HS6ST3: variants seen among roughly 807,000 people sequenced by gnomAD.
The protein encoded by HS6ST3 is heparan sulfate 6-O-sulfotransferase 3, also known as heparan-sulfate 6-O-sulfotransferase 3.
In HS6ST3, 12 loss-of-function variants were observed where a neutral mutation model predicts 36.7. The ratio of observed to expected loss-of-function variants is 0.33; its 90% CI spans 0.21 to 0.53. The LOEUF (loss-of-function observed/expected upper bound fraction) is 0.53, where lower values mean the gene tolerates loss of function less well. Among genes scored for constraint, HS6ST3 ranks in the 20% least tolerant of loss-of-function variants. The pLI, the probability that HS6ST3 is intolerant of heterozygous loss-of-function variation, is 0.95. For synonymous variants in HS6ST3, 240 were observed against 257.5 expected (o/e 0.93, Z 0.65); for missense variants, 584 against 640.9 (o/e 0.91, Z 0.96).
chr13:96,277,940 G>C (rs1594740973), intron 1 of HS6ST3, among the ~76,000 whole-genome samples: 1 of 152,158 alleles, frequency 6.6e-6, no homozygotes, highest in African/African-American at 2.4e-5. Context: ...GAGCTATACA[G>C]AGATTTCAGC....
intron 1 of HS6ST3, among the ~76,000 whole-genome samples, chr13:96,513,106 G>A (rs926318705): frequency 5.3e-5 from 8 of 152,112 alleles, no homozygotes; most frequent in African/African-American, 1.7e-4. Flanking sequence ...ACATAGCTGT[G>A]TGTGTTGCTT....
chr13:96,260,309 T>C (rs934823228), intron 1 of HS6ST3, among the ~76,000 whole-genome samples: 7 of 151,540 alleles, frequency 4.6e-5, no homozygotes, highest in Admixed American at 3.9e-4. Context: ...TTTTTTCTTT[T>C]CTTTTCTTTT....
chr13:96,565,743 T>C (rs1394847124), intron 1 of HS6ST3, among the ~76,000 whole-genome samples: 1 of 152,166 alleles, frequency 6.6e-6, no homozygotes, highest in Admixed American at 6.6e-5. Context: ...AAAGCCTGGC[T>C]TATAGTCTGA....
chr13:96,216,365 A>G (rs998211552), intron 1 of HS6ST3, among the ~76,000 whole-genome samples: 1 of 152,132 alleles, frequency 6.6e-6, no homozygotes, highest in Non-Finnish European at 1.5e-5. Context: ...GTCATGATTC[A>G]CTGAGCCGTT....
intron 1 of HS6ST3, among the ~76,000 whole-genome samples, chr13:96,425,766 A>G (rs555041802): frequency 1.3e-5 from 2 of 152,232 alleles, no homozygotes; most frequent in South Asian, 2.1e-4. Context: ...TGCAGGTACA[A>G]TTTGGTGTCC....
At chr13:96,707,982 T>C (rs551600951) in intron 1 of HS6ST3, among the ~76,000 whole-genome samples, 1 of 152,306 alleles carries the variant, frequency 6.6e-6, no homozygotes, top group Non-Finnish European at 1.5e-5. Context: ...GCTGATGGCA[T>C]AATCAGCATC....
intron 1 of HS6ST3, among the ~76,000 whole-genome samples, chr13:96,693,093 A>G (rs1448717428): frequency 1.3e-5 from 2 of 152,052 alleles, no homozygotes; most frequent in Non-Finnish European, 2.9e-5. Context: ...CTAAAATAAT[A>G]CTCACCCTTC....
chr13:96,828,193 C>A (rs1457715739), intron 1 of HS6ST3, among the ~76,000 whole-genome samples: 2 of 152,140 alleles, frequency 1.3e-5, no homozygotes, highest in African/African-American at 4.8e-5. Context: ...AATTTCACCT[C>A]CTGATTTAAA....
intron 1 of HS6ST3, among the ~76,000 whole-genome samples, chr13:96,330,770 CAG>C (rs2055061845): frequency 6.7e-6 from 1 of 149,438 alleles, no homozygotes; most frequent in African/African-American, 2.5e-5. Flanking sequence ...TAATATCCTG[CAG>C]AGTGTTTTCC....
intron 1 of HS6ST3, among the ~76,000 whole-genome samples, chr13:96,419,071 G>A (rs1038943082): frequency 6.6e-6 from 1 of 152,194 alleles, no homozygotes; most frequent in Non-Finnish European, 1.5e-5. Flanking sequence ...TTTTTCTAGT[G>A]TCAATTGAAT....
chr13:96,287,332 C>A (rs1925119), intron 1 of HS6ST3, among the ~76,000 whole-genome samples: 64,450 of 151,894 alleles, frequency 0.42, 14,820 homozygotes, highest in African/African-American at 0.6. Flanking sequence ...ATAGAAAAAT[C>A]TTATATAATG....
chr13:96,297,174 A>AT (rs1033046546), intron 1 of HS6ST3, among the ~76,000 whole-genome samples: 3 of 151,922 alleles, frequency 2.0e-5, no homozygotes, highest in South Asian at 2.1e-4. Flanking sequence ...ATTTCAAACT[A>AT]TTTTTTTTCC....
chr13:96,501,534 T>C (rs1279613428), intron 1 of HS6ST3, among the ~76,000 whole-genome samples: 3 of 152,294 alleles, frequency 2.0e-5, no homozygotes, highest in Non-Finnish European at 2.9e-5. Context: ...ACCTACTTCA[T>C]AGGGCAGTTG....
At chr13:96,231,700 G>C (rs1434028027) in intron 1 of HS6ST3, among the ~76,000 whole-genome samples, 1 of 152,148 alleles carries the variant, frequency 6.6e-6, no homozygotes, top group Non-Finnish European at 1.5e-5. Flanking sequence ...GCCATATCAA[G>C]GCCCATGCGC....
At chr13:96,365,154 C>T (rs935941723) in intron 1 of HS6ST3, among the ~76,000 whole-genome samples, 1 of 152,118 alleles carries the variant, frequency 6.6e-6, no homozygotes, top group Non-Finnish European at 1.5e-5. Flanking sequence ...GTCAGAATGT[C>T]CAGGTGTGAA....
intron 1 of HS6ST3, among the ~76,000 whole-genome samples, chr13:96,194,399 T>C (rs971856237): frequency 9.8e-5 from 15 of 152,314 alleles, no homozygotes; most frequent in African/African-American, 3.6e-4. Context: ...TATGGAGGTC[T>C]CTATTTTCTA....
chr13:96,782,811 C>T (rs1427344078), intron 1 of HS6ST3, among the ~76,000 whole-genome samples: 1 of 152,100 alleles, frequency 6.6e-6, no homozygotes. Context: ...CTGACATTCA[C>T]TTAAAATCAC....
intron 1 of HS6ST3, among the ~76,000 whole-genome samples, chr13:96,115,836 G>A (rs1424251479): frequency 6.6e-6 from 1 of 152,122 alleles, no homozygotes; most frequent in Non-Finnish European, 1.5e-5. Flanking sequence ...CTTCCACAAC[G>A]GTTGAACTAA....
At chr13:96,560,734 T>G (rs966158336) in intron 1 of HS6ST3, among the ~76,000 whole-genome samples, 3 of 152,018 alleles carry the variant, frequency 2.0e-5, no homozygotes, top group Admixed American at 1.3e-4. Context: ...ACACCAATAA[T>G]GAACCAAGCT....
Sources: gnomAD v4.1 joint callset for allele counts (sites outside exome capture counted in the v4.1 genomes callset) on GRCh38, gnomAD v4.1.1 for gene constraint, MANE v1.5 for transcripts, NCBI Gene and HGNC (gene_info 2026-07-23, HGNC 2026-07-21) for gene names.